The following ROBO2 variants were observed in gnomAD, a reference collection of about 807,000 sequenced individuals.
The protein encoded by ROBO2 is roundabout guidance receptor 2.
A neutral mutation model predicts 160.8 loss-of-function variants in ROBO2; 53 were observed. The observed-to-expected ratio is 0.33, with a 90% CI of 0.26 to 0.41. The LOEUF (loss-of-function observed/expected upper bound fraction) is 0.41, where lower values mean the gene tolerates loss of function less well. Among genes scored for constraint, ROBO2 ranks in the 10% least tolerant of loss-of-function variants. The pLI is 1.00. For missense variants in ROBO2, 1,577 were observed against 1,722.4 expected, an observed-to-expected ratio of 0.92 and a Z score of 1.49; for synonymous variants, 664 against 611.7, an observed-to-expected ratio of 1.09 and a Z score of -1.26.
At chr3:77,292,474 G>A (rs2061417554) in intron 2 of ROBO2, among the ~76,000 whole-genome samples, 1 of 151,362 alleles carries the variant, frequency 6.6e-6, no homozygotes, top group South Asian at 2.1e-4. Context: ...GCTTAAACGG[G>A]TAAACTGAGG....
intron 2 of ROBO2, among the ~76,000 whole-genome samples, chr3:77,292,456 A>T (rs1343034867): frequency 6.6e-6 from 1 of 152,010 alleles, no homozygotes; most frequent in Non-Finnish European, 1.5e-5. Flanking sequence ...ACATAAAGAA[A>T]AATTGATGCT....
rs138524843 is a variant in ROBO2, at chr3:76,159,649, T to C, written c.109+222047T>C. On this transcript the variant is annotated intron_variant, in intron 2 of 26. Coordinates refer to the ROBO2 transcript ENST00000487694. Reference sequence around the variant, plus strand: ...TTGGTCTAGGTTTTCTGCTGTCTTATATATACAAGGGGACTTCAAAAATTT... The same window carrying C: ...TTGGTCTAGGTTTTCTGCTGTCTTACATATACAAGGGGACTTCAAAAATTT... Among the ~76,000 whole-genome samples the C allele has an allele frequency of 2.5e-3, 378 of 152,248 alleles. 2 individuals carry two copies. Among genetic ancestry groups the C allele is most frequent in the Non-Finnish European group, 4.1e-3 (277 of 68,014 alleles).
At chr3:77,064,059 A>T (rs1026609073) in intron 1 of ROBO2, among the ~76,000 whole-genome samples, 3 of 152,206 alleles carry the variant, frequency 2.0e-5, no homozygotes. Flanking sequence ...CAGAAAAATT[A>T]TATGCTTATG....
intron 2 of ROBO2, among the ~76,000 whole-genome samples, chr3:76,052,880 C>A (rs935900738): frequency 2.0e-5 from 3 of 151,980 alleles, no homozygotes; most frequent in African/African-American, 7.2e-5. Context: ...GTGGTCATAT[C>A]TCATGTTAAA....
intron 2 of ROBO2, among the ~76,000 whole-genome samples, chr3:76,021,581 C>T (rs908104400): frequency 2.0e-5 from 3 of 151,700 alleles, no homozygotes; most frequent in East Asian, 1.9e-4. Context: ...GCAAACATTG[C>T]AATAAAGTGA....
At chr3:76,282,509 A>T (rs544047622) in intron 2 of ROBO2, among the ~76,000 whole-genome samples, 5 of 152,202 alleles carry the variant, frequency 3.3e-5, no homozygotes, top group Admixed American at 3.3e-4. Flanking sequence ...TTATGAATGC[A>T]TAATGTTTAT....
At chr3:77,020,230 A>C (rs1299769658) in intron 2 of ROBO2, among the ~76,000 whole-genome samples, 1 of 152,212 alleles carries the variant, frequency 6.6e-6, no homozygotes, top group African/African-American at 2.4e-5. Context: ...TTTACAGTTA[A>C]ATGTAAAAAT....
intron 2 of ROBO2, among the ~76,000 whole-genome samples, chr3:77,252,831 A>AAATATATATATAT: frequency 8.0e-5 from 1 of 12,520 alleles, no homozygotes; most frequent in African/African-American, 1.6e-4. Flanking sequence ...AAAAAAAAAA[A>AAATATATATATAT]ATATATATAT....
intron 2 of ROBO2, among the ~76,000 whole-genome samples, chr3:77,474,657 TACACACACAC>T (rs9286680): frequency 1.6e-5 from 2 of 128,484 alleles, no homozygotes; most frequent in South Asian, 2.5e-4. Flanking sequence ...TTAGGGGGAA[TACACACACAC>T]ACACACACAC....
chr3:75,933,836 G>C (rs1947648209), intron 1 of ROBO2, among the ~76,000 whole-genome samples: 1 of 152,118 alleles, frequency 6.6e-6, no homozygotes, highest in Non-Finnish European at 1.5e-5. Context: ...CTAATACCTG[G>C]AAACTTCGAT....
chr3:77,145,024 C>A (rs1465267659), intron 2 of ROBO2, among the ~76,000 whole-genome samples: 1 of 151,782 alleles, frequency 6.6e-6, no homozygotes, highest in East Asian at 1.9e-4. Context: ...ATTTTTTTGT[C>A]ATTTTCTCTT....
intron 2 of ROBO2, among the ~76,000 whole-genome samples, chr3:76,371,326 G>T (rs954143844): frequency 2.0e-5 from 3 of 151,914 alleles, no homozygotes; most frequent in Non-Finnish European, 4.4e-5. Context: ...AAGTGAAAGG[G>T]TATTTACAAT....
chr3:76,062,321 T>G (rs2068095070), intron 2 of ROBO2, among the ~76,000 whole-genome samples: 1 of 131,748 alleles, frequency 7.6e-6, no homozygotes, highest in Non-Finnish European at 1.6e-5. Context: ...CTTAAAAATT[T>G]CAGTTGAAAC....
chr3:77,405,620 T>A (rs2076192833), intron 2 of ROBO2, among the ~76,000 whole-genome samples: 2 of 151,726 alleles, frequency 1.3e-5, no homozygotes, highest in South Asian at 4.1e-4. Flanking sequence ...AATATAATTA[T>A]GTATAAATAT....
At chr3:76,311,912 GAAA>G (rs1297772928) in intron 2 of ROBO2, among the ~76,000 whole-genome samples, 1 of 152,092 alleles carries the variant, frequency 6.6e-6, no homozygotes, top group Admixed American at 6.5e-5. Context: ...AACTTTATTG[GAAA>G]AAAATCTGCT....
chr3:76,165,129 G>A (rs2106947558), intron 2 of ROBO2, among the ~76,000 whole-genome samples: 1 of 152,248 alleles, frequency 6.6e-6, no homozygotes, highest in Non-Finnish European at 1.5e-5. Context: ...CTCTATCTAT[G>A]AAAGTACTAG....
chr3:76,961,579 C>T (rs1352568774), intron 2 of ROBO2, among the ~76,000 whole-genome samples: 2 of 152,104 alleles, frequency 1.3e-5, no homozygotes, highest in Admixed American at 6.6e-5. Flanking sequence ...GTGGAAAGAA[C>T]GTGAGCTATA....
intron 2 of ROBO2, among the ~76,000 whole-genome samples, chr3:76,885,763 T>C (rs747369526): frequency 1.2e-4 from 19 of 152,194 alleles, no homozygotes; most frequent in Non-Finnish European, 2.6e-4. Context: ...TGAACACTTA[T>C]CTCATTCCAG....
chr3:76,793,306 C>A (rs964117819), intron 2 of ROBO2, among the ~76,000 whole-genome samples: 1 of 151,636 alleles, frequency 6.6e-6, no homozygotes, highest in Non-Finnish European at 1.5e-5. Flanking sequence ...ATTATCTCAC[C>A]CTGATCATTT....
Sources: gnomAD v4.1 joint callset for allele counts (sites outside exome capture counted in the v4.1 genomes callset) on GRCh38, gnomAD v4.1.1 for gene constraint, MANE v1.5 for transcripts, NCBI Gene and HGNC (gene_info 2026-07-23, HGNC 2026-07-21) for gene names.